Variants in UNC13D observed in about 807,000 individuals in gnomAD.
UNC13D encodes the protein unc-13 homolog D.
Under a neutral mutation model 151.7 loss-of-function variants are expected in UNC13D, and 115 were observed. That is an observed-to-expected ratio of 0.76 (90% CI 0.65 to 0.88). The LOEUF is 0.88. UNC13D is among the 40% of genes least tolerant of loss of function. The pLI is 0.00. For missense variants in UNC13D, 1,369 were observed against 1,438.7 expected (o/e 0.95, Z 0.78); for synonymous variants, 588 against 612.2 (o/e 0.96, Z 0.58).
In UNC13D at chr17:75,828,842, C is replaced by T; in HGVS notation, c.3096G>A (p.Glu1032=). The stretch of plus-strand genomic sequence containing the variant: ...GGGTCTGAGGCACCTCACCAGGCTC[C>T]TCAGAGCCACTCAGCCCGGGCACCT... ...LREVPGLSGS[E]EPGEVPQTRL... The change falls in exon 31 of 32, where the codon GAG becomes GAA. Residue 1032 remains glutamate, a synonymous_variant. Transcript: ENST00000207549. The T allele has an allele frequency of 6.3e-7, 1 of 1,579,656 alleles. No individual in the cohort carries two copies. Among genetic ancestry groups the T allele is most frequent in the Non-Finnish European group, 8.6e-7 (1 of 1,165,344 alleles).
chr17:75,834,220 T>C (rs1362591392), intron 23 of UNC13D, 77 bp from the exon 24 acceptor site: 1 of 1,595,604 alleles, frequency 6.3e-7, no homozygotes, highest in Non-Finnish European at 8.5e-7. Flanking sequence ...GGCCTGAGTT[T>C]AGACGCACGA....
rs1042305847 is a variant in UNC13D at position 75,833,654 on chromosome 17, C to A, written c.2367+421G>T. ...ATTGTTCACTGACCTATCCCCAGTG[C>A]TTAAATCAATGCATAGGACAAAGTG... On this transcript the variant is annotated intron_variant, in intron 24 of 31. Coordinates refer to ENST00000207549, the MANE Select transcript of UNC13D (RefSeq NM_199242.3). This position sits in a 1 kb window ranked among gnomAD's most constrained non-coding sequence, Gnocchi z 4.0. Among the ~76,000 whole-genome samples, 2 of 152,196 alleles carry A rather than the reference C, an allele frequency of 1.3e-5. No homozygotes were observed. Among genetic ancestry groups the A allele is most frequent in the East Asian group, 1.9e-4 (1 of 5,204 alleles).
At position 75,835,733 on chromosome 17, in the gene UNC13D, T is replaced by C; in HGVS notation, c.1641A>G (p.Val547=). The part of the protein sequence containing the change: ...VQDHTTVVGD[V]VSPEMGESLF... ...GACTCTCGCCCATCTCTGGGGACAC[T>C]ACATCACCCACAACCGTCGTGTGGT... The change falls in exon 19 of 32, where the codon GTA becomes GTG. Residue 547 remains valine (V), a synonymous_variant. Transcript: ENST00000207549. 1 of 1,613,762 alleles carries C rather than the reference T, an allele frequency of 6.2e-7. No individual in the cohort carries two copies. Among genetic ancestry groups the C allele is most frequent in the Non-Finnish European group, 8.5e-7 (1 of 1,180,008 alleles).
rs139327831 is a variant in UNC13D, at chr17:75,836,041, G to A, written c.1515C>T (p.Cys505=). Reference sequence around the variant, plus strand: ...GGAAGATCTTGTCCCATGTGCGCTGGCACTGGTGCAGGTCGCCAATGACAT... The same window carrying A: ...GGAAGATCTTGTCCCATGTGCGCTGACACTGGTGCAGGTCGCCAATGACAT... ...VQDVIGDLHQ[C]QRTWDKIFHN... The change falls in exon 17 of 32, where the codon TGC becomes TGT. Residue 505 remains cysteine (C), a synonymous_variant. Coordinates refer to ENST00000207549, the MANE Select transcript of UNC13D (RefSeq NM_199242.3). 24 of 1,613,874 alleles carry A rather than the reference G, an allele frequency of 1.5e-5. No homozygotes were observed. The highest frequency in any genetic ancestry group is 8.0e-5 in the African/African-American group (6 of 74,948).
chr17:75,835,425 G>A lies in UNC13D; in HGVS notation c.1832C>T (p.Ala611Val). 1 of 1,612,568 alleles carries A rather than the reference G, an allele frequency of 6.2e-7. No homozygotes were observed. Among genetic ancestry groups the A allele is most frequent in the African/African-American group, 1.3e-5 (1 of 75,062 alleles). ...CGCCCCCACCTCATCCATCTGCACA[G>A]CGCGCTGCACCCGCGCCAGGGCCTC... ...YNEALARVQR[A>V]VQMDELVPLG... Residue 611 changes from alanine (A) to valine (V), a missense_variant, in exon 20 of 32, where the codon GCT (alanine) becomes GTT (valine). This residue lies in a region of UNC13D where 807 missense variants were observed against 795.5 expected (regional missense o/e 1.01). Transcript: ENST00000207549.
At chr17:75,841,086 T>A in intron 6 of UNC13D, 85 bp from the exon 7 acceptor site, 6 of 1,522,780 alleles carry the variant, frequency 3.9e-6, no homozygotes, top group Non-Finnish European at 5.4e-6. Flanking sequence ...CCCAGAGCCA[T>A]GGAGTTGTAG....
chr17:75,828,921 T>C lies in UNC13D; in HGVS notation c.3017A>G (p.Tyr1006Cys). Reference protein sequence around the residue: ...GACLLLTVLDYDTLGADDLEG... With the variant: ...GACLLLTVLDCDTLGADDLEG... ...CAGGTCGTCGGCCCCCAGCGTGTCG[T>C]AGTCCAGCACGGTGAGCAGGAGGCA... is the stretch of plus-strand genomic sequence containing the variant. The change falls in exon 31 of 32, where the codon TAC (tyrosine) becomes TGC (cysteine). Residue 1006 changes from tyrosine to cysteine, a missense_variant. Around this residue, in one of 3 missense-constraint regions of UNC13D, gnomAD observed 807 missense variants for 795.5 expected, o/e 1.01. Coordinates refer to ENST00000207549, the MANE Select transcript of UNC13D (RefSeq NM_199242.3). The C allele has an allele frequency of 6.2e-7, 1 of 1,607,228 alleles. No homozygotes were observed. The highest frequency in any genetic ancestry group is 1.1e-5 in the South Asian group (1 of 91,032).
intron 1 of UNC13D, 88 bp downstream of exon 1, chr17:75,844,133 G>C (rs547423588): frequency 6.4e-7 from 1 of 1,551,712 alleles, no homozygotes. Context: ...CCCAGCCTTC[G>C]AGAGGTGGGG....
chr17:75,841,107 C>G, intron 6 of UNC13D, 106 bp from the exon 7 acceptor site: 1 of 1,132,932 alleles, frequency 8.8e-7, no homozygotes, highest in Admixed American at 1.8e-5. Context: ...CCTATCCCTG[C>G]CAAACTTCCC....
Position 75,835,646 on chromosome 17 carries a change from C to T in UNC13D, c.1727+1G>A, listed in dbSNP as rs754882266. The T allele has an allele frequency of 5.6e-6, 9 of 1,613,286 alleles. No individual in the cohort carries two copies. The South Asian group carries it at 8.8e-5, about 16-fold the overall frequency. The stretch of plus-strand genomic sequence containing the variant: ...CCGCCCACAATTGGCCTGCTGCCCA[C>T]CTCTCTGAGGAGCTCATGCGCAGCT... On this transcript the variant is annotated splice_donor_variant, in intron 19 of 31. Transcript: ENST00000207549. LOFTEE classifies it high-confidence loss of function.
At chr17:75,830,208 A>G (rs2064861055) in intron 29 of UNC13D, 57 bp from the exon 30 acceptor site, 3 of 1,566,454 alleles carry the variant, frequency 1.9e-6, no homozygotes, top group Non-Finnish European at 8.6e-7. Flanking sequence ...ACCCCACCCC[A>G]GCAGCTATGC....
Position 75,840,350 on chromosome 17 carries a change from G to A in UNC13D, c.754-21C>T, listed in dbSNP as rs1567821227. Reference sequence around the variant, plus strand: ...AGGTCCTGACAGGCGGGGATGCCCAGCCCGTGAGCGTCAGAACCTCATAGA... The same window carrying A: ...AGGTCCTGACAGGCGGGGATGCCCAACCCGTGAGCGTCAGAACCTCATAGA... On this transcript the variant is annotated intron_variant, in intron 9 of 31. Coordinates refer to ENST00000207549, the MANE Select transcript of UNC13D (RefSeq NM_199242.3). This position sits in a 1 kb window ranked among gnomAD's most constrained non-coding sequence, Gnocchi z 4.6. 1 of 1,612,106 alleles carries A rather than the reference G, an allele frequency of 6.2e-7. No individual in the cohort carries two copies. The highest frequency in any genetic ancestry group is 8.5e-7 in the Non-Finnish European group (1 of 1,179,138).
chr17:75,835,721 C>T lies in UNC13D; in HGVS notation c.1653G>A (p.Glu551=), dbSNP rs2064903603. ...AGAGCTGGAACAGACTCTCGCCCATCTCTGGGGACACTACATCACCCACAA... is the reference window on the plus strand; with the variant it reads ...AGAGCTGGAACAGACTCTCGCCCATTTCTGGGGACACTACATCACCCACAA... ...TTVVGDVVSP[E]MGESLFQLYI... is the part of the protein sequence containing the mutation. The change falls in exon 19 of 32, where the codon GAG becomes GAA. Residue 551 remains glutamate (E), a synonymous_variant. Transcript: ENST00000207549. The T allele has an allele frequency of 6.2e-7, 1 of 1,613,764 alleles. No homozygotes were observed. Among genetic ancestry groups the T allele is most frequent in the Non-Finnish European group, 8.5e-7 (1 of 1,180,040 alleles).
Sources: allele counts gnomAD v4.1 joint callset (sites outside exome capture counted in the v4.1 genomes callset), GRCh38; gene constraint gnomAD v4.1.1; regional missense constraint gnomAD v4.1.1; non-coding constraint Gnocchi (gnomAD v3.1); transcripts MANE v1.5; gene names NCBI Gene and HGNC (gene_info 2026-07-23, HGNC 2026-07-21).